Variants in ASTN1 observed in about 807,000 individuals in gnomAD.
The protein encoded by ASTN1 is astrotactin-1.
ASTN1 carries 41 observed loss-of-function variants against 140.7 expected under a neutral mutation model. The ratio of observed to expected loss-of-function variants is 0.29; its 90% CI spans 0.23 to 0.38. The LOEUF (loss-of-function observed/expected upper bound fraction) is 0.38, where lower values mean the gene tolerates loss of function less well. Ranked by LOEUF, ASTN1 falls within the 10% of genes least tolerant of loss-of-function variation. The pLI, the probability that ASTN1 is intolerant of heterozygous loss-of-function variation, is 1.00. For missense variants in ASTN1, 1,479 were observed against 1,678.8 expected, an observed-to-expected ratio of 0.88 and a Z score of 2.08; for synonymous variants, 640 against 652.2, an observed-to-expected ratio of 0.98 and a Z score of 0.29.
intron 4 of ASTN1, 43 bp from the exon 5 acceptor site, chr1:177,029,784 G>A: frequency 6.4e-7 from 1 of 1,551,186 alleles, no homozygotes; most frequent in South Asian, 1.2e-5. Flanking sequence ...TTTCAGTTCT[G>A]GTTTCATGAC....
chr1:177,131,743 G>T (rs1681951343), intron 1 of ASTN1, among the ~76,000 whole-genome samples: 1 of 152,154 alleles, frequency 6.6e-6, no homozygotes, highest in Non-Finnish European at 1.5e-5. Context: ...AGACGTATTT[G>T]GCTCATGGTT....
chr1:176,986,128 AT>A (rs949193835), intron 8 of ASTN1, among the ~76,000 whole-genome samples: 3 of 151,986 alleles, frequency 2.0e-5, no homozygotes, highest in East Asian at 1.9e-4. Context: ...AGCTTACTTC[AT>A]TTTTTTAGAC....
intron 15 of ASTN1, 77 bp downstream of exon 15, chr1:176,936,189 G>C (rs1046658083): frequency 7.7e-7 from 1 of 1,305,412 alleles, no homozygotes; most frequent in African/African-American, 1.5e-5. Flanking sequence ...TCGACAGTGG[G>C]ACCAAAGGCT....
intron 8 of ASTN1, among the ~76,000 whole-genome samples, chr1:176,985,486 A>G (rs1465836928): frequency 6.6e-6 from 1 of 152,072 alleles, no homozygotes; most frequent in Non-Finnish European, 1.5e-5. Context: ...AAAAAAATGG[A>G]GCCAATCAAA....
chr1:177,139,225 T>A lies in ASTN1; in HGVS notation c.283+25169A>T, dbSNP rs760762382. Reference sequence around the variant, plus strand: ...TCTTATACATGAGCTTACCTCTATCTGGGAGGAAAAATAAATGCAAAGTGA... The same window carrying A: ...TCTTATACATGAGCTTACCTCTATCAGGGAGGAAAAATAAATGCAAAGTGA... On this transcript the variant is annotated intron_variant, in intron 1 of 22. Transcript: ENST00000361833. 4.6e-5 allele frequency among the ~76,000 whole-genome samples: 7 copies of A among 152,190 alleles called. 1 individual carries two copies. The highest frequency in any genetic ancestry group is 7.2e-5 in the African/African-American group (3 of 41,448).
At position 176,949,309 on chromosome 1, in the gene ASTN1, A is replaced by G. The variant is rs748214440; in HGVS notation, c.1930T>C (p.Tyr644His). The G allele has an allele frequency of 6.2e-7, 1 of 1,614,138 alleles. No homozygotes were observed. The highest frequency in any genetic ancestry group is 1.1e-5 in the South Asian group (1 of 91,088). ...LSPMKDSSGC[Y>H]DRHIGVDCSD... ...CAGTCCACCCCGATGTGGCGGTCATAGCAGCCAGAGCTGTCCTTCATGGGA... is the reference window on the plus strand; with the variant it reads ...CAGTCCACCCCGATGTGGCGGTCATGGCAGCCAGAGCTGTCCTTCATGGGA... Residue 644 changes from tyrosine to histidine, a missense_variant, in exon 12 of 23, where the codon TAT becomes CAT. Tyr to His is a moderately conservative substitution (Grantham distance 83, BLOSUM62 2). Coordinates refer to ENST00000361833, the MANE Select transcript of ASTN1 (RefSeq NM_004319.3).
intron 20 of ASTN1, among the ~76,000 whole-genome samples, chr1:176,877,699 C>T (rs570567839): frequency 6.1e-4 from 93 of 152,300 alleles, no homozygotes; most frequent in Non-Finnish European, 7.8e-4. Flanking sequence ...CCAACCCAGT[C>T]GGTCTAAAGA....
In ASTN1 at chr1:176,862,386, G is replaced by A; in HGVS notation, c.*1898C>T. On this transcript the variant is annotated 3_prime_UTR_variant, in exon 23 of 23. Coordinates refer to ENST00000361833, the MANE Select transcript of ASTN1 (RefSeq NM_004319.3). Reference sequence around the variant, plus strand: ...AGGAGGGCCATGTGCAGTGGAACTAGGGGTCCCAAGGGTGCTCTAGCTCCA... The same window carrying A: ...AGGAGGGCCATGTGCAGTGGAACTAAGGGTCCCAAGGGTGCTCTAGCTCCA... 1.0e-6 allele frequency: 1 copy of A among 985,494 alleles called. No homozygotes were observed. The highest frequency in any genetic ancestry group is 1.1e-4 in the East Asian group (1 of 8,798). 61.0% of individuals were successfully genotyped at this position (985,494 alleles called of 1,614,324 possible).
chr1:176,885,795 T>C (rs189986834), intron 18 of ASTN1, among the ~76,000 whole-genome samples: 39 of 152,246 alleles, frequency 2.6e-4, no homozygotes, highest in African/African-American at 8.4e-4. Flanking sequence ...TAGTGAGCAA[T>C]AGAAGCATAT....
intron 1 of ASTN1, among the ~76,000 whole-genome samples, chr1:177,100,119 C>T (rs535667919): frequency 6.6e-6 from 1 of 152,158 alleles, no homozygotes; most frequent in South Asian, 2.1e-4. Flanking sequence ...TCCATCACAC[C>T]ACACTCTACT....
chr1:177,121,777 G>A (rs1681400001), intron 1 of ASTN1, among the ~76,000 whole-genome samples: 1 of 152,050 alleles, frequency 6.6e-6, no homozygotes, highest in South Asian at 2.1e-4. Flanking sequence ...ATATTCCCCA[G>A]GTCCCTGCCA....
chr1:177,038,451 G>A (rs1676827413), intron 2 of ASTN1, among the ~76,000 whole-genome samples: 1 of 152,114 alleles, frequency 6.6e-6, no homozygotes. Context: ...AGGAAGGAAG[G>A]GAGAGGAGAA....
At chr1:176,960,096 G>T (rs918058036) in intron 9 of ASTN1, among the ~76,000 whole-genome samples, 2 of 152,230 alleles carry the variant, frequency 1.3e-5, no homozygotes, top group Non-Finnish European at 2.9e-5. Context: ...TAAGATTAAG[G>T]AGCCCATTCA....
chr1:176,915,195 A>G (rs1481816616), intron 16 of ASTN1, among the ~76,000 whole-genome samples: 2 of 152,202 alleles, frequency 1.3e-5, no homozygotes, highest in African/African-American at 4.8e-5. Flanking sequence ...TTAGCGTGCT[A>G]CCGAGCCCAC....
intron 16 of ASTN1, among the ~76,000 whole-genome samples, chr1:176,899,299 T>C (rs943335824): frequency 6.6e-6 from 1 of 152,188 alleles, no homozygotes; most frequent in African/African-American, 2.4e-5. Context: ...GGCATGTATA[T>C]AGTGGCCCAC....
Position 176,863,207 on chromosome 1 carries a change from G to A in ASTN1, c.*1077C>T, listed in dbSNP as rs1312275088. On this transcript the variant is annotated 3_prime_UTR_variant, in exon 23 of 23. Coordinates refer to ENST00000361833, the MANE Select transcript of ASTN1 (RefSeq NM_004319.3). ...TCCTGCTTATGGTCATCAGAGAAACGATTTGCAAAACTAGCAACACAAGCA... is the reference window on the plus strand; with the variant it reads ...TCCTGCTTATGGTCATCAGAGAAACAATTTGCAAAACTAGCAACACAAGCA... 6.1e-6 allele frequency: 6 copies of A among 985,780 alleles called. No homozygotes were observed. The South Asian group carries it at 1.4e-4, about 23-fold the overall frequency. The allele number at this position is 985,780 out of a possible 1,614,324, so 61.1% of individuals were successfully genotyped here.
chr1:177,118,590 A>G (rs554782236), intron 1 of ASTN1, among the ~76,000 whole-genome samples: 1 of 152,356 alleles, frequency 6.6e-6, no homozygotes, highest in Admixed American at 6.5e-5. Flanking sequence ...TAACACAGCC[A>G]GCCAAACTAA....
rs536503456 is a variant in ASTN1 at position 177,094,761 on chromosome 1, G to T, written c.284-33496C>A. ...TTTCAAATTGGGTAATGAGTAAGAGGCTGGAAAAGCTTTGAGGTGCATGCT... is the reference window on the plus strand; with the variant it reads ...TTTCAAATTGGGTAATGAGTAAGAGTCTGGAAAAGCTTTGAGGTGCATGCT... On this transcript the variant is annotated intron_variant, in intron 1 of 22. Coordinates refer to ENST00000361833, the MANE Select transcript of ASTN1 (RefSeq NM_004319.3). Among the ~76,000 whole-genome samples, 8 of 152,288 alleles carry T rather than the reference G, an allele frequency of 5.3e-5. No individual in the cohort carries two copies. In the South Asian group the frequency reaches 1.2e-3, roughly 24 times the overall value.
At chr1:176,884,988 C>T (rs1668974925) in intron 18 of ASTN1, among the ~76,000 whole-genome samples, 1 of 152,182 alleles carries the variant, frequency 6.6e-6, no homozygotes, top group Admixed American at 6.5e-5. Context: ...GTGGGGGAAA[C>T]CCCAGCTTCC....
Sources: allele counts gnomAD v4.1 joint callset (sites outside exome capture counted in the v4.1 genomes callset), GRCh38; gene constraint gnomAD v4.1.1; transcripts MANE v1.5; gene names NCBI Gene and HGNC (gene_info 2026-07-23, HGNC 2026-07-21).